Variants in SLC8A1 observed in about 807,000 individuals in gnomAD.
SLC8A1 encodes solute carrier family 8 member A1, also known as sodium/calcium exchanger 1.
In SLC8A1, 18 loss-of-function variants were observed where a neutral mutation model predicts 68.3. The ratio of observed to expected loss-of-function variants is 0.26; its 90% CI spans 0.18 to 0.39. The LOEUF (loss-of-function observed/expected upper bound fraction) is 0.39, where lower values mean the gene tolerates loss of function less well. SLC8A1 is among the 10% of genes least tolerant of loss of function. SLC8A1 has a pLI of 1.00. For synonymous variants in SLC8A1, 475 were observed against 415.5 expected, an observed-to-expected ratio of 1.14 and a Z score of -1.74; for missense variants, 985 against 1,156.7, an observed-to-expected ratio of 0.85 and a Z score of 2.15.
chr2:40,440,523 G>T (rs530262424), intron 1 of SLC8A1, among the ~76,000 whole-genome samples: 1 of 151,938 alleles, frequency 6.6e-6, no homozygotes, highest in Admixed American at 6.6e-5. Flanking sequence ...AGCAAAGTGC[G>T]AGGCACTGGG....
intron 2 of SLC8A1, among the ~76,000 whole-genome samples, chr2:40,360,579 T>C (rs1176430419): frequency 6.6e-6 from 1 of 152,102 alleles, no homozygotes; most frequent in Non-Finnish European, 1.5e-5. Flanking sequence ...TCAGCAACCC[T>C]ACAGGATAGA....
At chr2:40,154,763 C>T (rs1365540297) in intron 6 of SLC8A1, among the ~76,000 whole-genome samples, 1 of 152,096 alleles carries the variant, frequency 6.6e-6, no homozygotes, top group Non-Finnish European at 1.5e-5. Flanking sequence ...CTCCTGGGCT[C>T]AGGTGATCCT....
chr2:40,394,940 A>G (rs908841141), intron 2 of SLC8A1, among the ~76,000 whole-genome samples: 6 of 152,134 alleles, frequency 3.9e-5, no homozygotes, highest in Non-Finnish European at 8.8e-5. Flanking sequence ...GAAGTAAAAG[A>G]TTCTGGAGCT....
intron 2 of SLC8A1, among the ~76,000 whole-genome samples, chr2:40,369,234 A>C (rs1449327452): frequency 2.6e-5 from 4 of 152,224 alleles, no homozygotes; most frequent in Admixed American, 2.6e-4. Flanking sequence ...AGAAACTGTC[A>C]ACAGAGTAAA....
chr2:40,479,646 T>C (rs1253544805), intron 1 of SLC8A1, among the ~76,000 whole-genome samples: 2 of 152,214 alleles, frequency 1.3e-5, no homozygotes, highest in African/African-American at 4.8e-5. Flanking sequence ...TTCATGCTCC[T>C]ATCTGTTAAA....
At chr2:40,318,876 T>C (rs1365451602) in intron 2 of SLC8A1, among the ~76,000 whole-genome samples, 1 of 152,038 alleles carries the variant, frequency 6.6e-6, no homozygotes, top group Non-Finnish European at 1.5e-5. Context: ...TTTTTTTCCC[T>C]CAACTTTTCA....
intron 4 of SLC8A1, among the ~76,000 whole-genome samples, chr2:40,169,958 A>C (rs556278838): frequency 1.3e-5 from 2 of 152,302 alleles, no homozygotes; most frequent in East Asian, 3.9e-4. Context: ...TAAAATAAAG[A>C]AACTTCATTA....
At chr2:40,134,641 A>G (rs2040141150) in intron 7 of SLC8A1, among the ~76,000 whole-genome samples, 1 of 152,196 alleles carries the variant, frequency 6.6e-6, no homozygotes, top group Admixed American at 6.5e-5. Flanking sequence ...AAAATCATCT[A>G]CTTACCTCCC....
chr2:40,321,345 C>A (rs2075165496), intron 2 of SLC8A1, among the ~76,000 whole-genome samples: 1 of 152,044 alleles, frequency 6.6e-6, no homozygotes, highest in Non-Finnish European at 1.5e-5. Flanking sequence ...TATATCATTT[C>A]TAACTGGGAT....
chr2:40,149,568 T>C, intron 6 of SLC8A1, among the ~76,000 whole-genome samples: 1 of 152,078 alleles, frequency 6.6e-6, no homozygotes, highest in South Asian at 2.1e-4. Flanking sequence ...AGAACAGAAA[T>C]ATGCCTGTGT....
chr2:40,341,744 C>G (rs937348828), intron 2 of SLC8A1, among the ~76,000 whole-genome samples: 3 of 152,102 alleles, frequency 2.0e-5, no homozygotes, highest in Non-Finnish European at 2.9e-5. Context: ...CTCTGGGGTT[C>G]TACAAAAGCT....
At chr2:40,187,643 A>AT (rs535262395) in intron 2 of SLC8A1, among the ~76,000 whole-genome samples, 16 of 149,734 alleles carry the variant, frequency 1.1e-4, no homozygotes, top group African/African-American at 3.7e-4. Flanking sequence ...TTAGTCTATG[A>AT]TTTTAGCAAT....
At chr2:40,116,508 T>C (rs1987783) in intron 7 of SLC8A1, among the ~76,000 whole-genome samples, 63,846 of 150,382 alleles carry the variant, frequency 0.42, 14,217 homozygotes, top group East Asian at 0.73. Context: ...TTCCCCTTCC[T>C]GTGTCCATGT....
intron 2 of SLC8A1, chr2:40,337,209 A>T: frequency 4.2e-6 from 1 of 237,072 alleles, no homozygotes. Flanking sequence ...AGAATGGGGG[A>T]AGTAAATACA....
intron 2 of SLC8A1, among the ~76,000 whole-genome samples, chr2:40,404,245 G>A (rs1689644611): frequency 6.6e-6 from 1 of 152,104 alleles, no homozygotes; most frequent in Non-Finnish European, 1.5e-5. Context: ...ATGGAAGAAA[G>A]GCTTCTTTGT....
intron 2 of SLC8A1, among the ~76,000 whole-genome samples, chr2:40,181,330 A>C (rs1278973957): frequency 6.6e-6 from 1 of 152,226 alleles, no homozygotes; most frequent in Non-Finnish European, 1.5e-5. Flanking sequence ...ATTTGTTTGC[A>C]TATAAAATAA....
intron 2 of SLC8A1, among the ~76,000 whole-genome samples, chr2:40,422,726 T>TA (rs1198480538): frequency 6.6e-6 from 1 of 152,126 alleles, no homozygotes; most frequent in Non-Finnish European, 1.5e-5. Flanking sequence ...AAGGACTAGT[T>TA]AACAAAGAGA....
chr2:40,106,671 A>G (rs1340113909), exon 8 of SLC8A1: 1 of 152,218 alleles, frequency 6.6e-6, no homozygotes, highest in Non-Finnish European at 1.5e-5. Flanking sequence ...TTCAAAGACA[A>G]TATTTTCTTC....
chr2:40,241,927 G>C (rs1304919911), intron 2 of SLC8A1, among the ~76,000 whole-genome samples: 1 of 152,088 alleles, frequency 6.6e-6, no homozygotes, highest in Non-Finnish European at 1.5e-5. Flanking sequence ...TGAATACTGG[G>C]ATAAAATATA....
Sources: allele counts gnomAD v4.1 joint callset (sites outside exome capture counted in the v4.1 genomes callset), GRCh38; gene constraint gnomAD v4.1.1; transcripts MANE v1.5; gene names NCBI Gene and HGNC (gene_info 2026-07-23, HGNC 2026-07-21).